The following ABHD12 variants were observed in gnomAD, a reference collection of about 807,000 sequenced individuals.
ABHD12 encodes lysophosphatidylserine lipase ABHD12.
Under a neutral mutation model 58.3 loss-of-function variants are expected in ABHD12, and 43 were observed. The ratio of observed to expected loss-of-function variants is 0.74; its 90% confidence interval spans 0.58 to 0.95. ABHD12 has a LOEUF of 0.95. Among genes scored for constraint, ABHD12 ranks in the 40% least tolerant of loss-of-function variants. The pLI, the probability that ABHD12 is intolerant of heterozygous loss-of-function variation, is 0.00. For synonymous variants in ABHD12, 219 were observed against 211.2 expected (o/e 1.04, Z -0.32); for missense variants, 539 against 537.2 (o/e 1.00, Z -0.03).
intron 1 of ABHD12, among the ~76,000 whole-genome samples, chr20:25,369,960 G>A (rs948205856): frequency 1.0e-3 from 149 of 142,516 alleles, no homozygotes; most frequent in Admixed American, 4.5e-3. Context: ...GCCCTTTGTA[G>A]ATTTTTTGTT....
chr20:25,309,583 G>C lies in ABHD12; in HGVS notation c.620-8C>G. 6.2e-7 allele frequency: 1 copy of C among 1,614,020 alleles called. No homozygotes were observed. Among genetic ancestry groups the C allele is most frequent in the Non-Finnish European group, 8.5e-7 (1 of 1,179,938 alleles). On this transcript the variant is annotated splice_polypyrimidine_tract_variant and splice_region_variant and intron_variant, in intron 6 of 12. Transcript: ENST00000339157. ...CCACTGAGTCACCCCAACCTGGGAG[G>C]GAGAAACGGCAGGACGGGGAGGTCA...
chr20:25,321,930 G>T (rs563739395), intron 3 of ABHD12, among the ~76,000 whole-genome samples: 1 of 152,306 alleles, frequency 6.6e-6, no homozygotes, highest in Non-Finnish European at 1.5e-5. Flanking sequence ...AAGGACCACT[G>T]TTAGAAATGT....
In ABHD12 at chr20:25,300,526, G is replaced by C. The variant is rs889137043; in HGVS notation, c.*319C>G. On this transcript the variant is annotated 3_prime_UTR_variant, in exon 13 of 13. Transcript: ENST00000339157. ...AGAGTCCCCTGCCCGGACTCCCCCTGTCCAGCTCAGTGCAGCATCAAGCAG... is the reference window on the plus strand; with the variant it reads ...AGAGTCCCCTGCCCGGACTCCCCCTCTCCAGCTCAGTGCAGCATCAAGCAG... The C allele has an allele frequency of 3.0e-6, 4 of 1,326,540 alleles. No homozygotes were observed. The highest frequency in any genetic ancestry group is 3.8e-6 in the Non-Finnish European group (4 of 1,040,630). The allele number at this position is 1,326,540 out of a possible 1,614,324, so 82.2% of individuals were successfully genotyped here. A position where few individuals can be genotyped will look rare whatever the true frequency, so the allele number is the denominator to read the frequency against.
chr20:25,304,099 CA>C (rs1300863848), intron 10 of ABHD12, among the ~76,000 whole-genome samples: 1 of 152,260 alleles, frequency 6.6e-6, no homozygotes, highest in East Asian at 1.9e-4. Flanking sequence ...CAGCAAACCA[CA>C]TAACAGAAGC....
chr20:25,296,441 C>T, downstream of ABHD12: 1 of 1,614,030 alleles, frequency 6.2e-7, no homozygotes. Context: ...GTGACCGGAC[C>T]ATCACGGAGT....
downstream of ABHD12, among the ~76,000 whole-genome samples, chr20:25,298,784 C>T (rs1430274151): frequency 6.6e-6 from 1 of 152,076 alleles, no homozygotes; most frequent in African/African-American, 2.4e-5. Flanking sequence ...TCTGTGCTAC[C>T]CTGAAGACCC....
intron 2 of ABHD12, 81 bp downstream of exon 2, chr20:25,339,146 A>C: frequency 6.3e-7 from 1 of 1,586,854 alleles, no homozygotes; most frequent in Non-Finnish European, 8.6e-7. Flanking sequence ...TTAAAGTAAA[A>C]AGACTACCCC....
chr20:25,329,990 C>G (rs923562485), intron 2 of ABHD12, among the ~76,000 whole-genome samples: 2 of 152,236 alleles, frequency 1.3e-5, no homozygotes, highest in African/African-American at 2.4e-5. Flanking sequence ...CAGCTCCAGT[C>G]TACAGCTCCC....
chr20:25,330,581 AGAGCGGT>A (rs2146003845), intron 2 of ABHD12, among the ~76,000 whole-genome samples: 1 of 152,356 alleles, frequency 6.6e-6, no homozygotes, highest in East Asian at 1.9e-4. Flanking sequence ...AGCTCTGAAG[AGAGCGGT>A]GGTTCTCCCA....
chr20:25,339,549 G>C, intron 1 of ABHD12, 198 bp from the exon 2 acceptor site: 2 of 1,414,520 alleles, frequency 1.4e-6, no homozygotes, highest in Non-Finnish European at 1.9e-6. Context: ...TTTGGGCTTA[G>C]AACTCTACTG....
At chr20:25,320,459 G>A in intron 3 of ABHD12, 141 bp from the exon 4 acceptor site, 2 of 1,107,466 alleles carry the variant, frequency 1.8e-6, no homozygotes, top group Non-Finnish European at 2.7e-6. Context: ...GGGAACAGAT[G>A]GGGGTGGGTG....
intron 3 of ABHD12, among the ~76,000 whole-genome samples, chr20:25,322,381 A>ATATATTTTTTTTTTT: frequency 1.7e-5 from 1 of 59,270 alleles, no homozygotes; most frequent in Non-Finnish European, 3.2e-5. Flanking sequence ...ATATATATAT[A>ATATATTTTTTTTTTT]TTTTTTTTTT....
At chr20:25,347,911 A>G (rs2089541762) in intron 1 of ABHD12, among the ~76,000 whole-genome samples, 1 of 151,764 alleles carries the variant, frequency 6.6e-6, no homozygotes, top group Non-Finnish European at 1.5e-5. Context: ...GTTTAGAAAA[A>G]AAAAAAAAAA....
At chr20:25,339,175 T>G in intron 2 of ABHD12, 52 bp downstream of exon 2, 1 of 1,609,864 alleles carries the variant, frequency 6.2e-7, no homozygotes, top group East Asian at 2.2e-5. Flanking sequence ...GACATCACCA[T>G]GAAAATGAAC....
In ABHD12 at chr20:25,328,233, G is replaced by A. The variant is rs8116564; in HGVS notation, c.317-4803C>T. Among the ~76,000 whole-genome samples the A allele has an allele frequency of 6.9e-3, 1,057 of 152,314 alleles. 5 individuals are homozygous for A. The highest frequency in any genetic ancestry group is 0.02 in the Middle Eastern group (6 of 294). On this transcript the variant is annotated intron_variant, in intron 2 of 12. Coordinates refer to ENST00000339157, the MANE Select transcript of ABHD12 (RefSeq NM_001042472.3). Reference sequence around the variant, plus strand: ...ACTTCAGGATCTGGAGTGGGAAAGTGAGTCCACTTCAGACTCTAGGGCCCA... The same window carrying A: ...ACTTCAGGATCTGGAGTGGGAAAGTAAGTCCACTTCAGACTCTAGGGCCCA...
At chr20:25,313,849 C>T (rs1007527012) in intron 6 of ABHD12, among the ~76,000 whole-genome samples, 3 of 152,156 alleles carry the variant, frequency 2.0e-5, no homozygotes, top group East Asian at 1.9e-4. Context: ...TTTCTGTTGC[C>T]TATTAAGCCA....
rs1405595746 is a variant in ABHD12 at position 25,300,336 on chromosome 20, C to T, written c.*509G>A. The T allele has an allele frequency of 9.5e-7, 1 of 1,052,968 alleles. No homozygotes were observed. Among genetic ancestry groups the T allele is most frequent in the Non-Finnish European group, 1.1e-6 (1 of 870,388 alleles). The allele number at this position is 1,052,968 out of a possible 1,614,324, so 65.2% of individuals were successfully genotyped here. A position where few individuals can be genotyped will look rare whatever the true frequency, so the allele number is the denominator to read the frequency against. ...TTCCACTGTGGGTGAGTGGGCCAGCCCAGGGGAGGTGGGGCAGCTGAGAAA... is the reference window on the plus strand; with the variant it reads ...TTCCACTGTGGGTGAGTGGGCCAGCTCAGGGGAGGTGGGGCAGCTGAGAAA... On this transcript the variant is annotated 3_prime_UTR_variant, in exon 13 of 13. Coordinates refer to ENST00000339157, the MANE Select transcript of ABHD12 (RefSeq NM_001042472.3).
chr20:25,301,782 AT>A (rs2088639454), intron 12 of ABHD12, among the ~76,000 whole-genome samples: 4 of 152,268 alleles, frequency 2.6e-5, no homozygotes, highest in African/African-American at 9.6e-5. Flanking sequence ...GCTGGCGCCC[AT>A]GTCCTGCCAG....
intron 1 of ABHD12, among the ~76,000 whole-genome samples, chr20:25,340,796 C>CT (rs1383304351): frequency 1.3e-5 from 2 of 152,160 alleles, no homozygotes; most frequent in Non-Finnish European, 2.9e-5. Context: ...AGGCAGAACT[C>CT]TAAGGACAGA....
Sources: allele counts gnomAD v4.1 joint callset (sites outside exome capture counted in the v4.1 genomes callset), GRCh38; gene constraint gnomAD v4.1.1; transcripts MANE v1.5; gene names NCBI Gene and HGNC (gene_info 2026-07-23, HGNC 2026-07-21).